Variants in RPS6KA5 observed in about 807,000 individuals in gnomAD.
RPS6KA5 encodes the protein ribosomal protein S6 kinase A5.
A neutral mutation model predicts 85.5 loss-of-function variants in RPS6KA5; 27 were observed. That is an observed-to-expected ratio of 0.32 (90% CI 0.23 to 0.44). The LOEUF is 0.44. Among genes scored for constraint, RPS6KA5 ranks in the 20% least tolerant of loss-of-function variants. RPS6KA5 has a pLI of 1.00. For missense variants in RPS6KA5, 811 were observed against 980.9 expected (o/e 0.83, Z 2.31); for synonymous variants, 334 against 348.2 (o/e 0.96, Z 0.46).
At chr14:91,038,360 G>C (rs115744784) in intron 1 of RPS6KA5, among the ~76,000 whole-genome samples, 1 of 152,180 alleles carries the variant, frequency 6.6e-6, no homozygotes. Context: ...TGGTTAAAGA[G>C]TCTGTATAAG....
chr14:90,983,704 C>T (rs1482275241), intron 2 of RPS6KA5, among the ~76,000 whole-genome samples: 5 of 150,232 alleles, frequency 3.3e-5, no homozygotes, highest in Admixed American at 6.7e-5. Flanking sequence ...AAAGGGGCAT[C>T]GGGAAAGGGG....
intron 2 of RPS6KA5, among the ~76,000 whole-genome samples, chr14:90,982,380 T>G (rs1167193437): frequency 6.6e-6 from 1 of 152,048 alleles, no homozygotes; most frequent in African/African-American, 2.4e-5. Context: ...AAGGATCACT[T>G]GAGGCTAGAA....
chr14:90,922,669 G>A (rs1011491416), intron 6 of RPS6KA5, among the ~76,000 whole-genome samples: 2 of 152,114 alleles, frequency 1.3e-5, no homozygotes, highest in Non-Finnish European at 1.5e-5. Flanking sequence ...GGTTGGTCTC[G>A]AACTCCTGAC....
chr14:91,043,329 A>G (rs1428319658), intron 1 of RPS6KA5, among the ~76,000 whole-genome samples: 1 of 152,144 alleles, frequency 6.6e-6, no homozygotes, highest in African/African-American at 2.4e-5. Flanking sequence ...CCTTGGCTTT[A>G]AATGTCATCT....
intron 8 of RPS6KA5, among the ~76,000 whole-genome samples, chr14:90,904,009 C>T (rs145742878): frequency 0.016 from 2,410 of 151,318 alleles, 63 homozygotes; most frequent in East Asian, 0.13. Context: ...GGCAGTGGCG[C>T]GATCTCGGCT....
intron 2 of RPS6KA5, among the ~76,000 whole-genome samples, chr14:90,991,719 AAG>A (rs2040315458): frequency 1.3e-5 from 2 of 150,862 alleles, no homozygotes; most frequent in Admixed American, 1.3e-4. Flanking sequence ...AAAAAAAAAA[AAG>A]AAGAGAGATA....
intron 14 of RPS6KA5, among the ~76,000 whole-genome samples, chr14:90,885,426 G>A (rs1595123684): frequency 2.0e-5 from 3 of 149,204 alleles, no homozygotes; most frequent in South Asian, 2.1e-4. Flanking sequence ...AGTGGCGGGC[G>A]CCTGTAGTCC....
intron 2 of RPS6KA5, among the ~76,000 whole-genome samples, chr14:90,983,197 A>C (rs1335449673): frequency 6.6e-6 from 1 of 151,690 alleles, no homozygotes; most frequent in Non-Finnish European, 1.5e-5. Context: ...GAATCGCTTT[A>C]ACCCAGGAGG....
At chr14:90,986,269 A>C (rs1328658968) in intron 2 of RPS6KA5, among the ~76,000 whole-genome samples, 1 of 152,212 alleles carries the variant, frequency 6.6e-6, no homozygotes, top group Non-Finnish European at 1.5e-5. Flanking sequence ...TTACCTACAC[A>C]TACCAACTGT....
Position 90,932,478 on chromosome 14 carries a change from A to G in RPS6KA5, c.619-9282T>C, listed in dbSNP as rs149467355. 8.5e-5 allele frequency among the ~76,000 whole-genome samples: 13 copies of G among 152,242 alleles called. No homozygotes were observed. In the East Asian group the frequency reaches 2.5e-3, roughly 29 times the overall value. On this transcript the variant is annotated intron_variant, in intron 5 of 16. Coordinates refer to ENST00000614987, the MANE Select transcript of RPS6KA5 (RefSeq NM_004755.4). ...TCAGGAATCTCACATGGGTCTTAAT[A>G]GTACCCAGCAAACACATTCATTTCC...
chr14:90,924,512 T>C (rs373405069), intron 5 of RPS6KA5, among the ~76,000 whole-genome samples: 4 of 152,218 alleles, frequency 2.6e-5, no homozygotes, highest in Non-Finnish European at 1.5e-5. Flanking sequence ...AGTTCTACTA[T>C]GCTTATGGTT....
At chr14:90,982,534 T>C (rs549715157) in intron 2 of RPS6KA5, among the ~76,000 whole-genome samples, 6 of 152,358 alleles carry the variant, frequency 3.9e-5, no homozygotes, top group South Asian at 2.1e-4. Flanking sequence ...ACTACCTTCA[T>C]GCCTTACTAG....
chr14:90,880,749 T>C (rs1227035696), intron 14 of RPS6KA5, among the ~76,000 whole-genome samples: 1 of 152,206 alleles, frequency 6.6e-6, no homozygotes, highest in Admixed American at 6.5e-5. Context: ...TGTACAAGTG[T>C]TTGTAATTAT....
Position 91,001,114 on chromosome 14 carries a change from T to C in RPS6KA5, c.149A>G (p.Glu50Gly). ...HAEKVGIENFELLKVLGTGAY... is the reference protein window; with the variant it reads ...HAEKVGIENFGLLKVLGTGAY... ...TCCAGTTCCTAGGACCTTCAGGAGC[T>C]CAAAATTTTCTATTCCCACCTTCTC... is the stretch of plus-strand genomic sequence containing the variant. The change falls in exon 2 of 17, where the codon GAG (glutamate) becomes GGG (glycine). Residue 50 changes from glutamate (E) to glycine (G), a missense_variant. By Grantham distance (98) the Glu-to-Gly change is moderately conservative. Coordinates refer to ENST00000614987, the MANE Select transcript of RPS6KA5 (RefSeq NM_004755.4). 1.2e-6 allele frequency: 2 copies of C among 1,600,930 alleles called. No individual in the cohort carries two copies. The highest frequency in any genetic ancestry group is 2.2e-5 in the East Asian group (1 of 44,716).
At position 91,009,105 on chromosome 14, in the gene RPS6KA5, T is replaced by C. The variant is rs921601894; in HGVS notation, c.104-7946A>G. Among the ~76,000 whole-genome samples, 4 of 152,244 alleles carry C rather than the reference T, an allele frequency of 2.6e-5. No homozygotes were observed. In the South Asian group the frequency reaches 8.3e-4, roughly 32 times the overall value. On this transcript the variant is annotated intron_variant, in intron 1 of 16. Coordinates refer to ENST00000614987, the MANE Select transcript of RPS6KA5 (RefSeq NM_004755.4). ...AATTTCTGTTCCATTTTTTTCCCTA[T>C]TGGCCCCTGCTATGGTGTGAATGTT... is the stretch of plus-strand genomic sequence containing the variant.
At position 90,849,699 on chromosome 14, in the gene RPS6KA5, C is replaced by T. The variant is rs1350143774; in HGVS notation, c.*22375G>A. ...AGGCAGAGAGAGAGAAAGGAAAGGCCAAAAGGAAAGTTAAAGGGATTTACT... is the reference window on the plus strand; with the variant it reads ...AGGCAGAGAGAGAGAAAGGAAAGGCTAAAAGGAAAGTTAAAGGGATTTACT... On this transcript the variant is annotated 3_prime_UTR_variant, in exon 17 of 17. Transcript: ENST00000614987. The T allele has an allele frequency of 6.6e-6, 1 of 152,098 alleles. No individual in the cohort carries two copies. The allele number at this position is 152,098 out of a possible 1,614,324, so 9.4% of individuals were successfully genotyped here. A position where few individuals can be genotyped will look rare whatever the true frequency, so the allele number is the denominator to read the frequency against.
At position 90,875,295 on chromosome 14, in the gene RPS6KA5, C is replaced by G. The variant is rs373068417; in HGVS notation, c.1902G>C (p.Ala634=). 6.2e-7 allele frequency: 1 copy of G among 1,613,936 alleles called. No homozygotes were observed. The highest frequency in any genetic ancestry group is 1.1e-5 in the South Asian group (1 of 91,078). ...TTTTAATTTTCTTCATGATTTCCAC[C>G]GCGCTGGTACACGTCAAACTTCGGT... is the stretch of plus-strand genomic sequence containing the variant. ...SHDRSLTCTS[A]VEIMKKIKKG... Residue 634 remains alanine (A), a synonymous_variant, in exon 15 of 17, where the codon GCG becomes GCC. Transcript: ENST00000614987.
chr14:91,014,517 A>G (rs2041400512), intron 1 of RPS6KA5, among the ~76,000 whole-genome samples: 2 of 151,100 alleles, frequency 1.3e-5, no homozygotes, highest in Non-Finnish European at 1.5e-5. Flanking sequence ...AAAAAAAAAC[A>G]AAAAACAAAA....
At chr14:90,962,693 G>C (rs1271445887) in intron 3 of RPS6KA5, among the ~76,000 whole-genome samples, 1 of 151,986 alleles carries the variant, frequency 6.6e-6, no homozygotes, top group African/African-American at 2.4e-5. Context: ...CTTTAACGTA[G>C]TACAAAATTT....
Sources: gnomAD v4.1 joint callset for allele counts (sites outside exome capture counted in the v4.1 genomes callset) on GRCh38, gnomAD v4.1.1 for gene constraint, MANE v1.5 for transcripts, NCBI Gene and HGNC (gene_info 2026-07-23, HGNC 2026-07-21) for gene names.